The following SLC1A1 variants were observed in gnomAD, a reference collection of about 807,000 sequenced individuals.
SLC1A1 encodes the protein solute carrier family 1 member 1, also known as excitatory amino acid transporter 3.
Under a neutral mutation model 53.3 loss-of-function variants are expected in SLC1A1, and 43 were observed. The ratio of observed to expected loss-of-function variants is 0.81; its 90% CI spans 0.63 to 1.04. SLC1A1 has a LOEUF of 1.04. Ranked by LOEUF, SLC1A1 falls within the 50% of genes least tolerant of loss-of-function variation. The probability of loss-of-function intolerance (pLI) is 0.00; values close to 1 mark genes in which losing one functional copy is unlikely to be tolerated. For synonymous variants in SLC1A1, 307 were observed against 243.2 expected, an observed-to-expected ratio of 1.26 and a Z score of -2.44; for missense variants, 748 against 664.9, an observed-to-expected ratio of 1.12 and a Z score of -1.37.
At chr9:4,491,595 G>C (rs774979443) in intron 1 of SLC1A1, among the ~76,000 whole-genome samples, 1 of 152,240 alleles carries the variant, frequency 6.6e-6, no homozygotes, top group Admixed American at 6.5e-5. Context: ...CCATTGCTCA[G>C]AGGTATGAGT....
intron 2 of SLC1A1, chr9:4,553,364 C>CTTTTTTTTTTTTTTTTTTTTTTTTTT (rs33971780): frequency 9.1e-6 from 1 of 110,152 alleles, no homozygotes; most frequent in African/African-American, 3.5e-5. Context: ...CCCACCGCTT[C>CTTTTTTTTTTTTTTTTTTTTTTTTTT]TTTTTTTTTT....
intron 8 of SLC1A1, among the ~76,000 whole-genome samples, chr9:4,575,071 C>T (rs1310161621): frequency 1.3e-5 from 2 of 152,174 alleles, no homozygotes; most frequent in Non-Finnish European, 2.9e-5. Flanking sequence ...CATTTCATAA[C>T]CGAGTTCTGC....
At chr9:4,522,840 C>G (rs1288088105) in intron 1 of SLC1A1, among the ~76,000 whole-genome samples, 4 of 152,190 alleles carry the variant, frequency 2.6e-5, no homozygotes, top group Non-Finnish European at 4.4e-5. Context: ...CACCTTCCAC[C>G]AGGTCACCTC....
intron 1 of SLC1A1, among the ~76,000 whole-genome samples, chr9:4,493,527 G>T (rs532442497): frequency 6.6e-6 from 1 of 152,300 alleles, no homozygotes; most frequent in Non-Finnish European, 1.5e-5. Context: ...TTTTCAGCAT[G>T]TGGAACTTAA....
chr9:4,536,557 G>A (rs990589289), intron 1 of SLC1A1, among the ~76,000 whole-genome samples: 1 of 152,180 alleles, frequency 6.6e-6, no homozygotes. Context: ...GTGCTGGAGA[G>A]GATGTGGAGA....
intron 1 of SLC1A1, among the ~76,000 whole-genome samples, chr9:4,531,893 T>A (rs1816485295): frequency 6.6e-6 from 1 of 152,150 alleles, no homozygotes; most frequent in African/African-American, 2.4e-5. Flanking sequence ...ACATCTGCTG[T>A]TCACCAATAT....
At chr9:4,518,606 G>A (rs886838512) in intron 1 of SLC1A1, among the ~76,000 whole-genome samples, 4 of 152,134 alleles carry the variant, frequency 2.6e-5, no homozygotes, top group Admixed American at 2.6e-4. Context: ...CTGTGGTGAT[G>A]GAGGCCTCAT....
At chr9:4,533,787 A>G (rs1816567994) in intron 1 of SLC1A1, among the ~76,000 whole-genome samples, 1 of 152,164 alleles carries the variant, frequency 6.6e-6, no homozygotes, top group Admixed American at 6.5e-5. Flanking sequence ...CACCTATTCC[A>G]AAATTGACCA....
At chr9:4,537,009 C>G (rs953530036) in intron 1 of SLC1A1, among the ~76,000 whole-genome samples, 1 of 151,496 alleles carries the variant, frequency 6.6e-6, no homozygotes, top group Non-Finnish European at 1.5e-5. Context: ...CACTTGGACA[C>G]AGGAAGGGGA....
chr9:4,530,730 T>C (rs1198442198), intron 1 of SLC1A1, among the ~76,000 whole-genome samples: 1 of 152,126 alleles, frequency 6.6e-6, no homozygotes, highest in East Asian at 1.9e-4. Context: ...TATATTATTT[T>C]TTAACTCTTC....
At chr9:4,533,701 G>A (rs1428457633) in intron 1 of SLC1A1, among the ~76,000 whole-genome samples, 1 of 152,134 alleles carries the variant, frequency 6.6e-6, no homozygotes, top group Non-Finnish European at 1.5e-5. Context: ...ACTCAGCTCT[G>A]CACCAAGCAG....
intron 10 of SLC1A1, among the ~76,000 whole-genome samples, chr9:4,578,960 A>C (rs1820812041): frequency 1.3e-5 from 2 of 152,240 alleles, no homozygotes; most frequent in South Asian, 4.1e-4. Flanking sequence ...TTTAGAGTTA[A>C]TTCATTCTTG....
chr9:4,506,865 T>C (rs963421237), intron 1 of SLC1A1, among the ~76,000 whole-genome samples: 1 of 152,154 alleles, frequency 6.6e-6, no homozygotes, highest in African/African-American at 2.4e-5. Flanking sequence ...TCCCCTCATT[T>C]CCCAGGGAAC....
At chr9:4,540,207 G>C (rs1381576343) in intron 1 of SLC1A1, among the ~76,000 whole-genome samples, 2 of 152,058 alleles carry the variant, frequency 1.3e-5, no homozygotes, top group Non-Finnish European at 2.9e-5. Context: ...AGTCTGGCCA[G>C]GGATGGCCAG....
intron 1 of SLC1A1, among the ~76,000 whole-genome samples, chr9:4,509,961 G>A (rs1366988472): frequency 6.6e-6 from 1 of 152,164 alleles, no homozygotes; most frequent in Admixed American, 6.5e-5. Flanking sequence ...GGCCTTCCAA[G>A]TAGCTGGGAT....
intron 1 of SLC1A1, among the ~76,000 whole-genome samples, chr9:4,492,896 C>T (rs988294147): frequency 6.6e-6 from 1 of 152,126 alleles, no homozygotes; most frequent in African/African-American, 2.4e-5. Flanking sequence ...CAGCATGGGG[C>T]TCTCCAGAGA....
At chr9:4,501,764 C>CCAAAA (rs140029812) in intron 1 of SLC1A1, among the ~76,000 whole-genome samples, 13,798 of 150,924 alleles carry the variant, frequency 0.091, 1,221 homozygotes, top group African/African-American at 0.21. Flanking sequence ...AACTCCATCT[C>CCAAAA]CAAAACAAAA....
intron 6 of SLC1A1, among the ~76,000 whole-genome samples, chr9:4,569,037 A>G (rs1819772790): frequency 6.6e-6 from 1 of 152,216 alleles, no homozygotes; most frequent in Non-Finnish European, 1.5e-5. Context: ...AGCACTTTAT[A>G]GAACATAACT....
intron 10 of SLC1A1, among the ~76,000 whole-genome samples, chr9:4,577,181 G>T (rs1820631699): frequency 1.3e-5 from 2 of 152,220 alleles, no homozygotes; most frequent in East Asian, 3.9e-4. Context: ...AGCTGGGAAG[G>T]TGAACGATGG....
Sources: gnomAD v4.1 joint callset for allele counts (sites outside exome capture counted in the v4.1 genomes callset) on GRCh38, gnomAD v4.1.1 for gene constraint, MANE v1.5 for transcripts, NCBI Gene and HGNC (gene_info 2026-07-23, HGNC 2026-07-21) for gene names.